Variants in PTPRT observed in about 807,000 individuals in gnomAD.
The protein encoded by PTPRT is protein tyrosine phosphatase receptor type T, also known as receptor-type tyrosine-protein phosphatase T.
Under a neutral mutation model 176.8 loss-of-function variants are expected in PTPRT, and 56 were observed. That is an observed-to-expected ratio of 0.32 (90% CI 0.26 to 0.40). The LOEUF (loss-of-function observed/expected upper bound fraction) is 0.40. PTPRT is among the 10% of genes least tolerant of loss of function. PTPRT has a pLI of 1.00. For missense variants in PTPRT, 1,540 were observed against 1,908.2 expected (o/e 0.81, Z 3.60); for synonymous variants, 783 against 739.0 (o/e 1.06, Z -0.96).
chr20:42,546,188 CG>C (rs2145596810), intron 7 of PTPRT, among the ~76,000 whole-genome samples: 1 of 152,216 alleles, frequency 6.6e-6, no homozygotes, highest in South Asian at 2.1e-4. Context: ...ATTCACAAAT[CG>C]GGCAAACCCC....
At position 42,753,755 on chromosome 20, in the gene PTPRT, A is replaced by T. The variant is rs554619421; in HGVS notation, c.859+2707T>A. Among the ~76,000 whole-genome samples the T allele has an allele frequency of 2.6e-5, 4 of 152,260 alleles. 1 individual carries two copies. The highest frequency in any genetic ancestry group is 9.6e-5 in the African/African-American group (4 of 41,556). ...ATCAGTGTCCCCGTAAACCCTGGCCACCTCTCCGAATAAAGCAAGGATGCT... is the reference window on the plus strand; with the variant it reads ...ATCAGTGTCCCCGTAAACCCTGGCCTCCTCTCCGAATAAAGCAAGGATGCT... On this transcript the variant is annotated intron_variant, in intron 6 of 30. Transcript: ENST00000373187.
chr20:42,866,328 G>A (rs1333174799), intron 2 of PTPRT, among the ~76,000 whole-genome samples: 5 of 152,130 alleles, frequency 3.3e-5, no homozygotes, highest in Non-Finnish European at 7.3e-5. Flanking sequence ...TGGAACCCAC[G>A]TGGCTTGGCT....
intron 9 of PTPRT, among the ~76,000 whole-genome samples, chr20:42,419,617 C>T (rs921018976): frequency 6.6e-6 from 1 of 152,126 alleles, no homozygotes; most frequent in African/African-American, 2.4e-5. Flanking sequence ...TTATCCCCCT[C>T]ATGCCCTCTT....
intron 18 of PTPRT, among the ~76,000 whole-genome samples, chr20:42,131,557 T>C (rs1203236126): frequency 6.6e-6 from 1 of 152,232 alleles, no homozygotes; most frequent in Non-Finnish European, 1.5e-5. Context: ...TTATTTATTC[T>C]AGTTAAGTGT....
intron 2 of PTPRT, among the ~76,000 whole-genome samples, chr20:42,826,506 A>G (rs2077996317): frequency 6.6e-6 from 1 of 152,204 alleles, no homozygotes; most frequent in Non-Finnish European, 1.5e-5. Context: ...AACAGAAGAG[A>G]CCAAAACAAA....
Position 42,084,805 on chromosome 20 carries a change from A to G in PTPRT, c.4013T>C (p.Ile1338Thr). Residue 1338 changes from isoleucine (I) to threonine (T), a missense_variant, in exon 29 of 31, where the codon ATT (isoleucine) becomes ACT (threonine). This residue lies in a region of PTPRT where 342 missense variants were observed against 394.0 expected (regional missense o/e 0.87). Transcript: ENST00000373187. ...GYRIVQHLQYIGWPAYRDTPP... is the reference protein window; with the variant it reads ...GYRIVQHLQYTGWPAYRDTPP... ...CGTGTCCCGGTAGGCAGGCCAGCCAATGTACTGGAGGTGCTGGACTATACG... is the reference window on the plus strand; with the variant it reads ...CGTGTCCCGGTAGGCAGGCCAGCCAGTGTACTGGAGGTGCTGGACTATACG... 4.5e-6 allele frequency: 7 copies of G among 1,545,278 alleles called. No individual in the cohort carries two copies. The highest frequency in any genetic ancestry group is 2.3e-5 in the East Asian group (1 of 42,618).
intron 1 of PTPRT, among the ~76,000 whole-genome samples, chr20:43,046,396 GTC>G (rs2146223126): frequency 1.3e-5 from 2 of 151,704 alleles, no homozygotes; most frequent in South Asian, 4.2e-4. Context: ...GTGAAACCCT[GTC>G]TCTACTAAAA....
chr20:42,521,899 A>G (rs1438207022), intron 7 of PTPRT, among the ~76,000 whole-genome samples: 1 of 152,048 alleles, frequency 6.6e-6, no homozygotes, highest in Non-Finnish European at 1.5e-5. Flanking sequence ...GCATGAAAGA[A>G]TTATTTTCTT....
intron 6 of PTPRT, among the ~76,000 whole-genome samples, chr20:42,729,524 C>G (rs2076429539): frequency 6.6e-6 from 1 of 152,150 alleles, no homozygotes. Flanking sequence ...CAGAAAGATG[C>G]CTACAACAAG....
chr20:42,815,694 A>T (rs1379627089), intron 2 of PTPRT, among the ~76,000 whole-genome samples: 1 of 152,194 alleles, frequency 6.6e-6, no homozygotes, highest in Non-Finnish European at 1.5e-5. Flanking sequence ...TCATAAGTGG[A>T]TTTTTAAAAG....
At chr20:42,467,213 T>C (rs1185287134) in intron 8 of PTPRT, among the ~76,000 whole-genome samples, 1 of 152,180 alleles carries the variant, frequency 6.6e-6, no homozygotes, top group Admixed American at 6.5e-5. Context: ...CAGGACGTGT[T>C]AAAACCATTG....
intron 29 of PTPRT, among the ~76,000 whole-genome samples, chr20:42,084,226 G>A (rs1027901333): frequency 4.6e-5 from 7 of 152,182 alleles, no homozygotes; most frequent in African/African-American, 1.2e-4. Context: ...ATGTCCATTC[G>A]AAGACAGGAG....
chr20:42,463,846 A>G lies in PTPRT; in HGVS notation c.1450+8420T>C, dbSNP rs62203553. Among the ~76,000 whole-genome samples, 1,238 of 152,276 alleles carry G rather than the reference A, an allele frequency of 8.1e-3. 11 individuals carry two copies. Among genetic ancestry groups the G allele is most frequent in the Middle Eastern group, 0.014 (4 of 294 alleles). On this transcript the variant is annotated intron_variant, in intron 8 of 30. Transcript: ENST00000373187. ...AGGCTTGGAACTAACTTAATAAGAG[A>G]GATTTAGATAATTTTAGTCTCATAT...
chr20:42,210,280 G>A (rs1310263211), intron 15 of PTPRT, among the ~76,000 whole-genome samples: 6 of 152,140 alleles, frequency 3.9e-5, no homozygotes, highest in Non-Finnish European at 7.3e-5. Context: ...TCAACACAGT[G>A]TTGGAAGTTC....
chr20:42,717,272 TAAGACAAC>T (rs1050125169), intron 6 of PTPRT, among the ~76,000 whole-genome samples: 1 of 145,488 alleles, frequency 6.9e-6, no homozygotes, highest in Admixed American at 6.8e-5. Context: ...CTATAACAAT[TAAGACAAC>T]AAGACATCAA....
intron 1 of PTPRT, among the ~76,000 whole-genome samples, chr20:43,049,633 T>A (rs1986972158): frequency 1.3e-5 from 2 of 152,356 alleles, no homozygotes; most frequent in African/African-American, 4.8e-5. Flanking sequence ...AGACTGGCTT[T>A]GTGTTTAAAC....
At chr20:42,975,506 G>T (rs1431755799) in intron 1 of PTPRT, among the ~76,000 whole-genome samples, 1 of 151,958 alleles carries the variant, frequency 6.6e-6, no homozygotes, top group Non-Finnish European at 1.5e-5. Context: ...CTTTCATTTG[G>T]CAAATTTTTA....
intron 1 of PTPRT, among the ~76,000 whole-genome samples, chr20:43,026,835 T>C (rs1985933294): frequency 6.6e-6 from 1 of 152,234 alleles, no homozygotes; most frequent in Non-Finnish European, 1.5e-5. Flanking sequence ...TTGGTCTTTC[T>C]GTCTCTGGGC....
chr20:42,924,972 C>T (rs1979388060), intron 1 of PTPRT, among the ~76,000 whole-genome samples: 2 of 152,230 alleles, frequency 1.3e-5, no homozygotes, highest in South Asian at 4.1e-4. Flanking sequence ...GAATCTGATG[C>T]AGGTGGCGCA....
Sources: gnomAD v4.1 joint callset for allele counts (sites outside exome capture counted in the v4.1 genomes callset) on GRCh38, gnomAD v4.1.1 for gene constraint, gnomAD v4.1.1 regional missense constraint, MANE v1.5 for transcripts, NCBI Gene and HGNC (gene_info 2026-07-23, HGNC 2026-07-21) for gene names.